The following AKR1D1 variants were observed in gnomAD, a reference collection of about 807,000 sequenced individuals.
AKR1D1 encodes aldo-keto reductase family 1 member D1, also known as delta(4)-3-ketosteroid 5-beta-reductase.
A neutral mutation model predicts 42.6 loss-of-function variants in AKR1D1; 32 were observed. The ratio of observed to expected loss-of-function variants is 0.75; its 90% CI spans 0.57 to 1.01. The LOEUF (loss-of-function observed/expected upper bound fraction) is 1.01, where lower values mean the gene tolerates loss of function less well. AKR1D1 is among the 50% of genes least tolerant of loss of function. The pLI is 0.00. For synonymous variants in AKR1D1, 123 were observed against 135.5 expected (o/e 0.91, Z 0.64); for missense variants, 364 against 402.2 (o/e 0.91, Z 0.81).
intron 8 of AKR1D1, among the ~76,000 whole-genome samples, chr7:138,116,392 G>A (rs906200448): frequency 1.3e-5 from 2 of 152,064 alleles, no homozygotes; most frequent in Admixed American, 6.6e-5. Flanking sequence ...TGTTGATAAG[G>A]TGGCCACCAA....
chr7:138,117,502 C>T lies in AKR1D1; in HGVS notation c.*840C>T, dbSNP rs904546840. 1 of 152,218 alleles carries T rather than the reference C, an allele frequency of 6.6e-6. No homozygotes were observed. The highest frequency in any genetic ancestry group is 2.4e-5 in the African/African-American group (1 of 41,406). 9.4% of individuals were successfully genotyped at this position (152,218 alleles called of 1,614,324 possible). On this transcript the variant is annotated 3_prime_UTR_variant, in exon 9 of 9. Coordinates refer to ENST00000242375, the MANE Select transcript of AKR1D1 (RefSeq NM_005989.4). ...GCCATATATTGGCTTTTCTTCTTAA[C>T]TTGGGAGATATATTGAAACAAGGTG...
chr7:138,111,045 C>A (rs1794526654), intron 7 of AKR1D1, among the ~76,000 whole-genome samples: 1 of 152,138 alleles, frequency 6.6e-6, no homozygotes, highest in South Asian at 2.1e-4. Context: ...TTGACTTCCT[C>A]TCCCATAAGA....
intron 1 of AKR1D1, among the ~76,000 whole-genome samples, chr7:138,077,168 G>A (rs780561358): frequency 9.9e-5 from 15 of 152,246 alleles, no homozygotes; most frequent in Non-Finnish European, 2.2e-4. Flanking sequence ...ATATGTATTG[G>A]TCCATTCTCA....
chr7:138,093,442 A>AT (rs576453032), intron 3 of AKR1D1, among the ~76,000 whole-genome samples: 1 of 152,034 alleles, frequency 6.6e-6, no homozygotes, highest in African/African-American at 2.4e-5. Context: ...TGTCTATTAA[A>AT]TTTTTTTTTA....
intron 1 of AKR1D1, among the ~76,000 whole-genome samples, chr7:138,079,494 T>C (rs147985895): frequency 1.3e-5 from 2 of 152,294 alleles, no homozygotes; most frequent in East Asian, 1.9e-4. Flanking sequence ...GAGAATATAA[T>C]AGACATCACA....
At chr7:138,090,622 G>T (rs1360141806) in intron 2 of AKR1D1, among the ~76,000 whole-genome samples, 1 of 140,458 alleles carries the variant, frequency 7.1e-6, no homozygotes, top group Non-Finnish European at 1.5e-5. Context: ...CAGCAACACA[G>T]CAAGACCCCG....
At position 138,105,849 on chromosome 7, in the gene AKR1D1, C is replaced by A. The variant is rs568265663; in HGVS notation, c.579+420C>A. Among the ~76,000 whole-genome samples, 25 of 152,176 alleles carry A rather than the reference C, an allele frequency of 1.6e-4. No individual in the cohort carries two copies. The South Asian group carries it at 3.1e-3, about 19-fold the overall frequency. On this transcript the variant is annotated intron_variant, in intron 5 of 8. Transcript: ENST00000242375. ...GCAGTGAGCCGAGATTGCGCCACTGCACTCCAGCCTGGGCGACAGAGTGTG... is the reference window on the plus strand; with the variant it reads ...GCAGTGAGCCGAGATTGCGCCACTGAACTCCAGCCTGGGCGACAGAGTGTG...
In AKR1D1 at chr7:138,093,791, T is replaced by C. The variant is rs1794133735; in HGVS notation, c.378+1907T>C. Among the ~76,000 whole-genome samples the C allele has an allele frequency of 2.6e-5, 4 of 152,242 alleles. No homozygotes were observed. The South Asian group carries it at 8.3e-4, about 31-fold the overall frequency. Reference sequence around the variant, plus strand: ...ACTATCATTATCAAGTATTATATACTATACATGATTATGTGTGTTCTACTT... The same window carrying C: ...ACTATCATTATCAAGTATTATATACCATACATGATTATGTGTGTTCTACTT... On this transcript the variant is annotated intron_variant, in intron 3 of 8. Coordinates refer to ENST00000242375, the MANE Select transcript of AKR1D1 (RefSeq NM_005989.4).
chr7:138,102,166 C>A lies in AKR1D1; in HGVS notation c.457-3141C>A, dbSNP rs188521642. 1.4e-3 allele frequency among the ~76,000 whole-genome samples: 209 copies of A among 151,426 alleles called. 1 individual carries two copies. The highest frequency in any genetic ancestry group is 4.9e-3 in the African/African-American group (201 of 41,232). On this transcript the variant is annotated intron_variant, in intron 4 of 8. Coordinates refer to ENST00000242375, the MANE Select transcript of AKR1D1 (RefSeq NM_005989.4). ...GCGGAGGTTGCAGTGAGCCGAGATC[C>A]CACCACTGCACTCCAGCCTGGGTGA...
At chr7:138,086,967 C>T (rs1314162891) in intron 1 of AKR1D1, among the ~76,000 whole-genome samples, 3 of 152,152 alleles carry the variant, frequency 2.0e-5, no homozygotes, top group Non-Finnish European at 2.9e-5. Flanking sequence ...GAAACACATT[C>T]GTATATTTAA....
At position 138,097,847 on chromosome 7, in the gene AKR1D1, CTTTT is replaced by C. The variant is rs35402657; in HGVS notation, c.379-7_379-4del. 847 of 1,258,150 alleles carry C rather than the reference CTTTT, an allele frequency of 6.7e-4. No individual in the cohort carries two copies. The highest frequency in any genetic ancestry group is 1.6e-3 in the Middle Eastern group (7 of 4,424). The allele number at this position is 1,258,150 out of a possible 1,614,324, so 77.9% of individuals were successfully genotyped here. A position where few individuals can be genotyped will look rare whatever the true frequency, so the allele number is the denominator to read the frequency against. Reference sequence around the variant, plus strand: ...ATAAATAAAATGAATTACATTTATTCTTTTTTTTTTTTTTTCAGCCAGGAGATGA... The same window carrying C: ...ATAAATAAAATGAATTACATTTATTCTTTTTTTTTTTCAGCCAGGAGATGA... On this transcript the variant is annotated splice_polypyrimidine_tract_variant and intron_variant, in intron 3 of 8. Coordinates refer to ENST00000242375, the MANE Select transcript of AKR1D1 (RefSeq NM_005989.4).
At chr7:138,083,865 T>A (rs1328743884) in intron 1 of AKR1D1, among the ~76,000 whole-genome samples, 1 of 152,180 alleles carries the variant, frequency 6.6e-6, no homozygotes, top group Non-Finnish European at 1.5e-5. Flanking sequence ...TCTTCCTTTA[T>A]GGAACTTTGT....
At chr7:138,103,955 C>A (rs1022362599) in intron 4 of AKR1D1, among the ~76,000 whole-genome samples, 1 of 151,922 alleles carries the variant, frequency 6.6e-6, no homozygotes, top group Non-Finnish European at 1.5e-5. Context: ...CATAATGAGA[C>A]CCCCCTCATC....
chr7:138,079,805 C>T (rs548685585), intron 1 of AKR1D1, among the ~76,000 whole-genome samples: 21 of 152,356 alleles, frequency 1.4e-4, no homozygotes. Flanking sequence ...GCCACACAGT[C>T]ACATCATGTC....
At chr7:138,079,458 C>A (rs1803008039) in intron 1 of AKR1D1, among the ~76,000 whole-genome samples, 3 of 152,124 alleles carry the variant, frequency 2.0e-5, no homozygotes, top group Non-Finnish European at 2.9e-5. Context: ...AAAACACAAG[C>A]AACTAACACT....
intron 1 of AKR1D1, among the ~76,000 whole-genome samples, chr7:138,078,804 T>C (rs111237152): frequency 6.4e-4 from 98 of 152,212 alleles, no homozygotes; most frequent in African/African-American, 2.3e-3. Flanking sequence ...GAGACTGCTG[T>C]AGTTGCAGCA....
intron 2 of AKR1D1, among the ~76,000 whole-genome samples, chr7:138,089,358 A>C (rs1280804004): frequency 6.6e-6 from 1 of 152,046 alleles, no homozygotes; most frequent in Non-Finnish European, 1.5e-5. Flanking sequence ...CTCAAAAAAA[A>C]AAAAGCATTT....
chr7:138,110,832 C>T (rs983957567), intron 7 of AKR1D1, among the ~76,000 whole-genome samples: 1 of 151,990 alleles, frequency 6.6e-6, no homozygotes, highest in African/African-American at 2.4e-5. Context: ...AATACGGAGC[C>T]AGGATATTTT....
intron 7 of AKR1D1, among the ~76,000 whole-genome samples, chr7:138,109,071 T>C (rs1046157843): frequency 6.6e-6 from 1 of 152,316 alleles, no homozygotes; most frequent in African/African-American, 2.4e-5. Flanking sequence ...TTTTAAAAAC[T>C]CAAAACAATC....
Sources: gnomAD v4.1 joint callset for allele counts (sites outside exome capture counted in the v4.1 genomes callset) on GRCh38, gnomAD v4.1.1 for gene constraint, MANE v1.5 for transcripts, NCBI Gene and HGNC (gene_info 2026-07-23, HGNC 2026-07-21) for gene names.